The following ESPNL variants were observed in gnomAD, a reference collection of about 807,000 sequenced individuals.
ESPNL encodes the protein espin like, also known as espin-like protein.
Under a neutral mutation model 46.8 loss-of-function variants are expected in ESPNL, and 49 were observed. The observed-to-expected ratio is 1.05, with a 90% confidence interval of 0.83 to 1.33. ESPNL has a LOEUF of 1.33. Among genes scored for constraint, ESPNL ranks in the 40% most tolerant of loss-of-function variants. ESPNL has a pLI of 0.00. For synonymous variants in ESPNL, 664 were observed against 662.1 expected, an observed-to-expected ratio of 1.00 and a Z score of -0.04; for missense variants, 1,540 against 1,436.6, an observed-to-expected ratio of 1.07 and a Z score of -1.16.
In ESPNL at chr2:238,127,748, C is replaced by T; in HGVS notation, c.1215+14C>T. 1 of 1,592,498 alleles carries T rather than the reference C, an allele frequency of 6.3e-7. No homozygotes were observed. On this transcript the variant is annotated intron_variant, in intron 7 of 8. Transcript: ENST00000343063. The stretch of plus-strand genomic sequence containing the variant: ...GCTGACCCCGAGGTTCGTCCTCCAC[C>T]CCTGCATTCCTGTCTCCCGGGGCCC...
At chr2:238,128,191 C>T (rs1282445544) in intron 7 of ESPNL, among the ~76,000 whole-genome samples, 1 of 152,182 alleles carries the variant, frequency 6.6e-6, no homozygotes, top group Non-Finnish European at 1.5e-5. Context: ...GAAAGCCAGC[C>T]CAGACTTTCC....
intron 6 of ESPNL, 48 bp from the exon 7 acceptor site, chr2:238,127,574 G>A (rs1692167782): frequency 1.3e-6 from 2 of 1,529,654 alleles, no homozygotes; most frequent in South Asian, 2.5e-5. Flanking sequence ...CTGGGTCTCT[G>A]CTCCCCAGCC....
At chr2:238,126,014 TTGTG>T (rs1692099632) in intron 6 of ESPNL, among the ~76,000 whole-genome samples, 1 of 151,076 alleles carries the variant, frequency 6.6e-6, no homozygotes, top group Non-Finnish European at 1.5e-5. Flanking sequence ...TCTGTGTATG[TTGTG>T]TCTGTGTCTG....
At position 238,131,240 on chromosome 2, in the gene ESPNL, C is replaced by G. The variant is rs771360180; in HGVS notation, c.2526C>G (p.His842Gln). 5 of 1,564,170 alleles carry G rather than the reference C, an allele frequency of 3.2e-6. No homozygotes were observed. The highest frequency in any genetic ancestry group is 8.6e-7 in the Non-Finnish European group (1 of 1,157,590). ...TGTCCCCCGAGCAGTTCCTGCCCCA[C>G]GTGGACGGGGCTCCGGTGCCCTACA... is the stretch of plus-strand genomic sequence containing the variant. ...GALSPEQFLP[H>Q]VDGAPVPYSS... The change falls in exon 9 of 9, where the codon CAC becomes CAG. Residue 842 changes from histidine (H) to glutamine (Q), a missense_variant. By Grantham distance (24) the His-to-Gln change is conservative. Transcript: ENST00000343063.
chr2:238,121,552 C>T (rs1245294581), intron 5 of ESPNL, among the ~76,000 whole-genome samples: 1 of 152,258 alleles, frequency 6.6e-6, no homozygotes, highest in Non-Finnish European at 1.5e-5. Flanking sequence ...TGTGCGCCAC[C>T]ACACCCAGCT....
chr2:238,122,287 G>A (rs931733243), intron 5 of ESPNL, among the ~76,000 whole-genome samples: 2 of 152,220 alleles, frequency 1.3e-5, no homozygotes, highest in Non-Finnish European at 2.9e-5. Context: ...CCGGAGAAAC[G>A]CCACAGCCAG....
At chr2:238,123,612 C>T (rs1692035170) in intron 5 of ESPNL, among the ~76,000 whole-genome samples, 1 of 152,190 alleles carries the variant, frequency 6.6e-6, no homozygotes, top group Non-Finnish European at 1.5e-5. Context: ...CGCCTGGCCA[C>T]CTGACACCTC....
chr2:238,103,085 T>C (rs2106463727), intron 2 of ESPNL, among the ~76,000 whole-genome samples: 1 of 152,316 alleles, frequency 6.6e-6, no homozygotes, highest in East Asian at 1.9e-4. Context: ...CCACAGTCTC[T>C]CTCAGACCCA....
chr2:238,121,760 G>T (rs1359469729), intron 5 of ESPNL, among the ~76,000 whole-genome samples: 10 of 152,232 alleles, frequency 6.6e-5, no homozygotes. Context: ...GCCTGCCCTG[G>T]TGGGCCCTCC....
chr2:238,124,115 G>T (rs1692045765), intron 5 of ESPNL, among the ~76,000 whole-genome samples: 1 of 152,230 alleles, frequency 6.6e-6, no homozygotes, highest in African/African-American at 2.4e-5. Flanking sequence ...GCAAGCTGCA[G>T]CATGGGTCCC....
At chr2:238,105,680 C>T (rs566427654) in intron 3 of ESPNL, among the ~76,000 whole-genome samples, 15 of 151,720 alleles carry the variant, frequency 9.9e-5, no homozygotes, top group African/African-American at 3.2e-4. Flanking sequence ...CCATGGGGCC[C>T]GGGGGCGGGC....
intron 5 of ESPNL, among the ~76,000 whole-genome samples, chr2:238,121,761 T>G (rs1691992203): frequency 6.6e-6 from 1 of 152,244 alleles, no homozygotes; most frequent in Admixed American, 6.5e-5. Flanking sequence ...CCTGCCCTGG[T>G]GGGCCCTCCG....
intron 4 of ESPNL, among the ~76,000 whole-genome samples, chr2:238,115,276 C>T (rs1398969505): frequency 6.6e-6 from 1 of 152,238 alleles, no homozygotes; most frequent in African/African-American, 2.4e-5. Context: ...GGGAAGGAAG[C>T]CCTCCAGAGG....
intron 6 of ESPNL, among the ~76,000 whole-genome samples, chr2:238,126,555 G>A (rs1413493713): frequency 7.4e-6 from 1 of 135,696 alleles, no homozygotes. Flanking sequence ...GTGTGTATCT[G>A]TGTGATTGTG....
In ESPNL at chr2:238,117,010, G is replaced by A. The variant is rs1278776962; in HGVS notation, c.963G>A (p.Gln321=). Residue 321 remains glutamine, a synonymous_variant, in exon 5 of 9, where the codon CAG becomes CAA. Transcript: ENST00000343063. ...AEYHGHRDCA[Q]YLREVAQPVP... is the part of the protein sequence containing the mutation. ...ACCATGGACACCGGGACTGCGCCCAGTACCTGCGGGAGGTGGCCCAGCCGG... is the reference window on the plus strand; with the variant it reads ...ACCATGGACACCGGGACTGCGCCCAATACCTGCGGGAGGTGGCCCAGCCGG... The A allele has an allele frequency of 6.2e-7, 1 of 1,611,692 alleles. No individual in the cohort carries two copies. The highest frequency in any genetic ancestry group is 2.2e-5 in the East Asian group (1 of 44,864).
intron 5 of ESPNL, among the ~76,000 whole-genome samples, chr2:238,121,317 G>A (rs1309948873): frequency 6.6e-6 from 1 of 152,322 alleles, no homozygotes; most frequent in Middle Eastern, 3.4e-3. Flanking sequence ...CTCCCATGGT[G>A]TCCAGGGCTG....
rs201450030 is a variant in ESPNL at position 238,100,615 on chromosome 2, C to T, written c.196C>T (p.Arg66Trp). Residue 66 changes from arginine to tryptophan, a missense_variant, in exon 1 of 9, where the codon CGG (arginine) becomes TGG (tryptophan). By Grantham distance (101) the Arg-to-Trp change is moderately radical (BLOSUM62 -3). Transcript: ENST00000343063. Reference protein sequence around the residue: ...VQRAQLPGNQRAHNGATPAHD... With the variant: ...VQRAQLPGNQWAHNGATPAHD... Reference sequence around the variant, plus strand: ...GCGGGCCCAGCTGCCCGGCAACCAGCGGGCCCACAACGGGGCCACCCCAGC... The same window carrying T: ...GCGGGCCCAGCTGCCCGGCAACCAGTGGGCCCACAACGGGGCCACCCCAGC... 799 of 1,501,184 alleles carry T rather than the reference C, an allele frequency of 5.3e-4. 2 individuals carry two copies. The highest frequency in any genetic ancestry group is 6.3e-4 in the Non-Finnish European group (715 of 1,129,108). 93.0% of individuals were successfully genotyped at this position (1,501,184 alleles called of 1,614,324 possible). A position where few individuals can be genotyped will look rare whatever the true frequency, so the allele number is the denominator to read the frequency against.
intron 5 of ESPNL, among the ~76,000 whole-genome samples, chr2:238,119,869 A>G (rs1272631785): frequency 6.6e-6 from 1 of 151,902 alleles, no homozygotes; most frequent in African/African-American, 2.4e-5. Context: ...GGGCAGAGCC[A>G]CAGTCCCCCC....
chr2:238,116,606 G>A (rs1360793349), intron 4 of ESPNL, among the ~76,000 whole-genome samples: 1 of 152,208 alleles, frequency 6.6e-6, no homozygotes, highest in African/African-American at 2.4e-5. Flanking sequence ...TTTGACACTT[G>A]GGCCATGGCA....
Sources: allele counts gnomAD v4.1 joint callset (sites outside exome capture counted in the v4.1 genomes callset), GRCh38; gene constraint gnomAD v4.1.1; transcripts MANE v1.5; gene names NCBI Gene and HGNC (gene_info 2026-07-23, HGNC 2026-07-21).